The following RANBP17 variants were observed in gnomAD, a reference collection of about 807,000 sequenced individuals.
RANBP17 encodes the protein RAN binding protein 17, also known as ran-binding protein 17.
In RANBP17, 158 loss-of-function variants were observed where a neutral mutation model predicts 141.2. The observed-to-expected ratio is 1.12, with a 90% CI of 0.98 to 1.28. RANBP17 has a LOEUF of 1.28. RANBP17 is among the 50% of genes most tolerant of loss of function. RANBP17 has a pLI of 0.00. For missense variants in RANBP17, 1,438 were observed against 1,290.7 expected (o/e 1.11, Z -1.75); for synonymous variants, 430 against 450.0 (o/e 0.96, Z 0.56).
At chr5:170,901,616 C>T (rs576031047) in intron 5 of RANBP17, among the ~76,000 whole-genome samples, 5 of 152,246 alleles carry the variant, frequency 3.3e-5, no homozygotes, top group South Asian at 2.1e-4. Context: ...TTCATAGTGT[C>T]GATGGTCTTT....
In RANBP17 at chr5:171,183,369, C is replaced by A. The variant is rs140812950; in HGVS notation, c.1977C>A (p.Ser659Arg). The change falls in exon 18 of 28, where the codon AGC becomes AGA. Residue 659 changes from serine to arginine, a missense_variant. Transcript: ENST00000523189. ...GCATCAGTGACAATCATAGTCTCAG[C>A]GACTTCAGGTGTCGAACAACCTTCT... ...FLGISDNHSL[S>R]DFRCRTTFYT... The A allele has an allele frequency of 1.2e-6, 2 of 1,613,960 alleles. No homozygotes were observed. Among genetic ancestry groups the A allele is most frequent in the South Asian group, 2.2e-5 (2 of 91,076 alleles).
intron 14 of RANBP17, among the ~76,000 whole-genome samples, chr5:171,167,654 C>T (rs925206913): frequency 6.6e-6 from 1 of 152,096 alleles, no homozygotes; most frequent in African/African-American, 2.4e-5. Flanking sequence ...GTTAAACAAA[C>T]GTGCCTTTTA....
chr5:170,920,511 CTTTTT>C (rs35922124), intron 11 of RANBP17, among the ~76,000 whole-genome samples: 3 of 144,796 alleles, frequency 2.1e-5, no homozygotes, highest in African/African-American at 7.7e-5. Context: ...TGTATATTTT[CTTTTT>C]TTTTTTTTAT....
intron 14 of RANBP17, among the ~76,000 whole-genome samples, chr5:171,123,109 A>C (rs1756162761): frequency 6.6e-6 from 1 of 152,156 alleles, no homozygotes; most frequent in Non-Finnish European, 1.5e-5. Flanking sequence ...TTGCTGCCAT[A>C]TACAGTAACC....
chr5:171,154,339 C>A (rs988266195), intron 14 of RANBP17, among the ~76,000 whole-genome samples: 1 of 152,028 alleles, frequency 6.6e-6, no homozygotes, highest in South Asian at 2.1e-4. Context: ...TGCGGTGGCA[C>A]GATCTCGGCT....
chr5:171,106,726 A>T (rs245778), intron 14 of RANBP17, among the ~76,000 whole-genome samples: 10 of 151,960 alleles, frequency 6.6e-5, no homozygotes, highest in Middle Eastern at 6.8e-3. Context: ...TAATCACACG[A>T]GGAAGTTTTG....
chr5:171,053,680 T>G (rs967214994), intron 14 of RANBP17, among the ~76,000 whole-genome samples: 25 of 151,460 alleles, frequency 1.7e-4, no homozygotes, highest in African/African-American at 6.1e-4. Flanking sequence ...TAGTTTTGTT[T>G]TTTTTCCCCA....
intron 3 of RANBP17, among the ~76,000 whole-genome samples, chr5:170,884,286 A>G (rs1236756564): frequency 6.6e-6 from 1 of 152,172 alleles, no homozygotes; most frequent in Non-Finnish European, 1.5e-5. Flanking sequence ...CCCCTGCGCA[A>G]TCAAAAAGTC....
intron 4 of RANBP17, 144 bp from the exon 5 acceptor site, chr5:170,895,906 T>C: frequency 2.3e-6 from 1 of 433,724 alleles, no homozygotes; most frequent in Non-Finnish European, 4.1e-6. Flanking sequence ...GATTTTTCTT[T>C]ATATTTTATA....
intron 14 of RANBP17, among the ~76,000 whole-genome samples, chr5:171,017,687 T>G (rs1561992068): frequency 6.6e-6 from 1 of 152,220 alleles, no homozygotes; most frequent in Non-Finnish European, 1.5e-5. Flanking sequence ...ACAAAAATTT[T>G]CTCCCATCTA....
chr5:171,090,825 G>A (rs962218280), intron 14 of RANBP17, among the ~76,000 whole-genome samples: 1 of 152,192 alleles, frequency 6.6e-6, no homozygotes, highest in African/African-American at 2.4e-5. Flanking sequence ...CTTCCACATA[G>A]TGTTGAGCCT....
chr5:170,901,876 C>T (rs1770667450), intron 5 of RANBP17, among the ~76,000 whole-genome samples: 1 of 152,204 alleles, frequency 6.6e-6, no homozygotes, highest in South Asian at 2.1e-4. Context: ...TGTAGGGTTT[C>T]TGCAGAGAGA....
Position 170,924,550 on chromosome 5 carries a change from G to C in RANBP17, c.1468G>C (p.Gly490Arg), listed in dbSNP as rs1281811739. The C allele has an allele frequency of 3.1e-6, 5 of 1,588,160 alleles. No individual in the cohort carries two copies. Among genetic ancestry groups the C allele is most frequent in the Non-Finnish European group, 4.3e-6 (5 of 1,159,416 alleles). The part of the protein sequence containing the change: ...GVTVDITIQE[G>R]RLAWLVYLVG... Reference sequence around the variant, plus strand: ...AACTGTGGACATCACCATTCAGGAAGGTCAGTAAACTTTATATGACTACTG... The same window carrying C: ...AACTGTGGACATCACCATTCAGGAACGTCAGTAAACTTTATATGACTACTG... The change falls in exon 12 of 28, where the codon GGA (glycine) becomes CGA (arginine). Residue 490 changes from glycine (G) to arginine (R), a missense_variant and splice_region_variant. Coordinates refer to ENST00000523189, the MANE Select transcript of RANBP17 (RefSeq NM_022897.5).
chr5:171,252,520 C>G (rs773756186), intron 24 of RANBP17: 36 of 1,430,098 alleles, frequency 2.5e-5, no homozygotes, highest in Non-Finnish European at 3.5e-5. Context: ...TGAAGAGTGT[C>G]GCAGCAAACA....
Position 171,187,575 on chromosome 5 carries a change from C to G in RANBP17, c.2038+4145C>G, listed in dbSNP as rs1002444902. Among the ~76,000 whole-genome samples the G allele has an allele frequency of 5.3e-5, 8 of 151,948 alleles. No homozygotes were observed. The South Asian group carries it at 1.7e-3, about 32-fold the overall frequency. On this transcript the variant is annotated intron_variant, in intron 18 of 27. Transcript: ENST00000523189. ...TAAATTTAAAAAATAATTAAAAATG[C>G]TAAATGTCGACTTTGGGTTGTAGCA...
intron 12 of RANBP17, among the ~76,000 whole-genome samples, chr5:170,925,769 C>T (rs907732144): frequency 7.3e-6 from 1 of 137,558 alleles, no homozygotes; most frequent in Non-Finnish European, 1.6e-5. Flanking sequence ...TTGCATATTT[C>T]TCAACGTTAT....
chr5:171,217,007 T>C (rs763438743), intron 21 of RANBP17, among the ~76,000 whole-genome samples: 8 of 152,216 alleles, frequency 5.3e-5, no homozygotes, highest in Non-Finnish European at 4.4e-5. Flanking sequence ...AAGGGAATGC[T>C]TCCAGTTTTT....
intron 7 of RANBP17, among the ~76,000 whole-genome samples, chr5:170,913,829 T>A (rs539853150): frequency 6.6e-6 from 1 of 152,194 alleles, no homozygotes; most frequent in East Asian, 1.9e-4. Flanking sequence ...GTTTTTTTTT[T>A]ATTGTAAGCT....
At chr5:171,176,608 A>G (rs1328360106) in intron 16 of RANBP17, among the ~76,000 whole-genome samples, 1 of 152,170 alleles carries the variant, frequency 6.6e-6, no homozygotes, top group Non-Finnish European at 1.5e-5. Flanking sequence ...TTATTAATAT[A>G]GTTTCTATTT....
Sources: gnomAD v4.1 joint callset for allele counts (sites outside exome capture counted in the v4.1 genomes callset) on GRCh38, gnomAD v4.1.1 for gene constraint, MANE v1.5 for transcripts, NCBI Gene and HGNC (gene_info 2026-07-23, HGNC 2026-07-21) for gene names.